AGAP1: variants seen among roughly 807,000 people sequenced by gnomAD.
AGAP1 encodes ArfGAP with GTPase domain, ankyrin repeat and PH domain 1.
A neutral mutation model predicts 105.3 loss-of-function variants in AGAP1; 29 were observed. The observed-to-expected ratio is 0.28, with a 90% CI of 0.21 to 0.38. AGAP1 has a LOEUF of 0.38. Among genes scored for constraint, AGAP1 ranks in the 10% least tolerant of loss-of-function variants. The probability of loss-of-function intolerance (pLI) is 1.00; values close to 1 mark genes in which losing one functional copy is unlikely to be tolerated. For synonymous variants in AGAP1, 509 were observed against 485.9 expected (o/e 1.05, Z -0.63); for missense variants, 998 against 1,165.1 (o/e 0.86, Z 2.09).
chr2:235,760,201 C>T (rs1954320243), intron 6 of AGAP1, among the ~76,000 whole-genome samples: 4 of 152,182 alleles, frequency 2.6e-5, no homozygotes, highest in South Asian at 2.1e-4. Context: ...GCCAACATGC[C>T]GAAACCCCCC....
At position 235,889,806 on chromosome 2, in the gene AGAP1, T is replaced by C. The variant is rs998439680; in HGVS notation, c.1155+6357T>C. ...GAACCTCTGTTTCTAAGCAGTGGAATAGAATTGCTTATGGAATAGCCAGGT... is the reference window on the plus strand; with the variant it reads ...GAACCTCTGTTTCTAAGCAGTGGAACAGAATTGCTTATGGAATAGCCAGGT... On this transcript the variant is annotated intron_variant, in intron 10 of 17. Coordinates refer to ENST00000304032, the MANE Select transcript of AGAP1 (RefSeq NM_001037131.3). This position sits in a 1 kb window ranked among gnomAD's most constrained non-coding sequence, Gnocchi z 4.6. Among the ~76,000 whole-genome samples, 1 of 152,160 alleles carries C rather than the reference T, an allele frequency of 6.6e-6. No homozygotes were observed. The highest frequency in any genetic ancestry group is 1.5e-5 in the Non-Finnish European group (1 of 68,038).
intron 6 of AGAP1, among the ~76,000 whole-genome samples, chr2:235,762,943 A>G (rs1200851026): frequency 6.6e-6 from 1 of 152,210 alleles, no homozygotes. Context: ...AATTTGCCAA[A>G]GAGAAGAAAG....
In AGAP1 at chr2:235,608,474, C is replaced by T. The variant is rs1946021078; in HGVS notation, c.164-100705C>T. 6.6e-6 allele frequency among the ~76,000 whole-genome samples: 1 copy of T among 152,152 alleles called. No individual in the cohort carries two copies. The highest frequency in any genetic ancestry group is 1.5e-5 in the Non-Finnish European group (1 of 68,044). Reference sequence around the variant, plus strand: ...GGAGATGCTCAGGGAAGGGGGTGGTCAGGCCCTGGGTCCCATGTTGGCAGC... The same window carrying T: ...GGAGATGCTCAGGGAAGGGGGTGGTTAGGCCCTGGGTCCCATGTTGGCAGC... On this transcript the variant is annotated intron_variant, in intron 1 of 17. Coordinates refer to ENST00000304032, the MANE Select transcript of AGAP1 (RefSeq NM_001037131.3). This position sits in a 1 kb window ranked among gnomAD's most constrained non-coding sequence, Gnocchi z 5.4.
Position 235,733,491 on chromosome 2 carries a change from G to A in AGAP1, c.311-7472G>A, listed in dbSNP as rs1191371693. Among the ~76,000 whole-genome samples the A allele has an allele frequency of 6.6e-6, 1 of 152,150 alleles. No individual in the cohort carries two copies. The highest frequency in any genetic ancestry group is 1.5e-5 in the Non-Finnish European group (1 of 68,032). On this transcript the variant is annotated intron_variant, in intron 3 of 17. Transcript: ENST00000304032. This position sits in a 1 kb window ranked among gnomAD's most constrained non-coding sequence, Gnocchi z 5.0. The stretch of plus-strand genomic sequence containing the variant: ...TATGTAAAGCCGTGCCCCTTTTCCT[G>A]TTGGATGGTGAAGTTCCTTCCTTCT...
intron 1 of AGAP1, among the ~76,000 whole-genome samples, chr2:235,671,339 C>G (rs1485373000): frequency 6.6e-6 from 1 of 152,206 alleles, no homozygotes; most frequent in Non-Finnish European, 1.5e-5. Context: ...GCGCCGACCT[C>G]CTTCGCGTGC....
chr2:235,504,968 T>A (rs1205662744), intron 1 of AGAP1, among the ~76,000 whole-genome samples: 1 of 152,160 alleles, frequency 6.6e-6, no homozygotes, highest in Non-Finnish European at 1.5e-5. Flanking sequence ...AGGGCGCAGT[T>A]CCTCTGGGAC....
chr2:236,016,114 A>T (rs1215247547), intron 13 of AGAP1, among the ~76,000 whole-genome samples: 4 of 150,554 alleles, frequency 2.7e-5, no homozygotes, highest in South Asian at 2.1e-4. Flanking sequence ...TTTAATCATA[A>T]TTTTTTTTTT....
Position 235,750,237 on chromosome 2 carries a change from A to G in AGAP1, c.539-117A>G, listed in dbSNP as rs567096618. On this transcript the variant is annotated intron_variant, in intron 5 of 17. Coordinates refer to ENST00000304032, the MANE Select transcript of AGAP1 (RefSeq NM_001037131.3). This position sits in a 1 kb window ranked among gnomAD's most constrained non-coding sequence, Gnocchi z 5.3. Reference sequence around the variant, plus strand: ...AACGATGCTCTACAATTCCAGATTCATAAACTAATTACATTTCTGCTGAGT... The same window carrying G: ...AACGATGCTCTACAATTCCAGATTCGTAAACTAATTACATTTCTGCTGAGT... The G allele has an allele frequency of 4.9e-6, 7 of 1,435,928 alleles. No homozygotes were observed. The highest frequency in any genetic ancestry group is 2.3e-5 in the East Asian group (1 of 43,288). The allele number at this position is 1,435,928 out of a possible 1,614,324, so 88.9% of individuals were successfully genotyped here.
chr2:236,063,047 C>T (rs778959251), intron 16 of AGAP1, among the ~76,000 whole-genome samples: 4 of 152,164 alleles, frequency 2.6e-5, no homozygotes, highest in Non-Finnish European at 5.9e-5. Context: ...CTTGGCCTCC[C>T]AAAGCGCTGG....
At position 235,729,959 on chromosome 2, in the gene AGAP1, A is replaced by G. The variant is rs1407661253; in HGVS notation, c.311-11004A>G. 6.6e-6 allele frequency among the ~76,000 whole-genome samples: 1 copy of G among 151,976 alleles called. No homozygotes were observed. The highest frequency in any genetic ancestry group is 1.5e-5 in the Non-Finnish European group (1 of 68,002). On this transcript the variant is annotated intron_variant, in intron 3 of 17. Transcript: ENST00000304032. The surrounding 1 kb of genome is among the most constrained non-coding windows in gnomAD (Gnocchi z 5.0). ...TACACAGGCAGTTCGCCAGCCCCCT[A>G]CCCTACAGTATGGAAAAAAGGCATA...
chr2:235,669,095 T>C (rs1948228740), intron 1 of AGAP1, among the ~76,000 whole-genome samples: 2 of 152,082 alleles, frequency 1.3e-5, no homozygotes, highest in South Asian at 2.1e-4. Context: ...GTGAGGTTAT[T>C]GATAATTGAA....
chr2:235,883,423 G>A lies in AGAP1; in HGVS notation c.1129G>A (p.Val377Met), dbSNP rs758081071. ...ATATGTCACCCTGTGTGACAATGGCGTGCTGACCTATCATCCCAGTTTACA... is the reference window on the plus strand; with the variant it reads ...ATATGTCACCCTGTGTGACAATGGCATGCTGACCTATCATCCCAGTTTACA... ...KKYVTLCDNG[V>M]LTYHPSLHDY... The change falls in exon 10 of 18, where the codon GTG becomes ATG. Residue 377 changes from valine to methionine, a missense_variant. Transcript: ENST00000304032. The surrounding 1 kb of genome is among the most constrained non-coding windows in gnomAD (Gnocchi z 4.5). 4.6e-5 allele frequency: 74 copies of A among 1,613,890 alleles called. No individual in the cohort carries two copies. Among genetic ancestry groups the A allele is most frequent in the Middle Eastern group, 3.3e-4 (2 of 6,084 alleles).
intron 16 of AGAP1, among the ~76,000 whole-genome samples, chr2:236,102,251 A>C (rs2125909411): frequency 6.6e-6 from 1 of 152,242 alleles, no homozygotes; most frequent in Non-Finnish European, 1.5e-5. Context: ...CCCTGTTTCT[A>C]CTAAAAATAC....
intron 1 of AGAP1, among the ~76,000 whole-genome samples, chr2:235,513,013 A>G (rs1186024091): frequency 6.6e-6 from 1 of 152,212 alleles, no homozygotes; most frequent in Non-Finnish European, 1.5e-5. Context: ...GGTCAAGTTT[A>G]TCCTGACCAG....
chr2:235,783,971 C>G (rs1026358325), intron 6 of AGAP1, among the ~76,000 whole-genome samples: 2 of 89,386 alleles, frequency 2.2e-5, no homozygotes, highest in South Asian at 2.7e-4. Flanking sequence ...AATGGACGGA[C>G]GGACGGACGG....
At position 235,553,928 on chromosome 2, in the gene AGAP1, T is replaced by G. The variant is rs1181741904; in HGVS notation, c.163+59079T>G. ...TCCCACCCCACCCCGTGGTGCGGCG[T>G]GTGCCAAGACCAGCCCTCTGAGGTC... On this transcript the variant is annotated intron_variant, in intron 1 of 17. Transcript: ENST00000304032. This position sits in a 1 kb window ranked among gnomAD's most constrained non-coding sequence, Gnocchi z 4.5. 6.6e-6 allele frequency among the ~76,000 whole-genome samples: 1 copy of G among 152,184 alleles called. No individual in the cohort carries two copies.
intron 3 of AGAP1, among the ~76,000 whole-genome samples, chr2:235,731,943 G>A (rs1951973309): frequency 6.6e-6 from 1 of 152,138 alleles, no homozygotes; most frequent in Non-Finnish European, 1.5e-5. Flanking sequence ...AAAGTGCGCA[G>A]GGAAGAAATG....
chr2:235,520,629 G>T (rs984510127), intron 1 of AGAP1, among the ~76,000 whole-genome samples: 4 of 151,986 alleles, frequency 2.6e-5, no homozygotes, highest in African/African-American at 9.7e-5. Context: ...CTCGTCAGAG[G>T]TTGCAAAATG....
In AGAP1 at chr2:236,002,108, G is replaced by A. The variant is rs760185631; in HGVS notation, c.1645+33485G>A. Among the ~76,000 whole-genome samples the A allele has an allele frequency of 3.3e-5, 5 of 152,170 alleles. No individual in the cohort carries two copies. Among genetic ancestry groups the A allele is most frequent in the East Asian group, 1.9e-4 (1 of 5,176 alleles). On this transcript the variant is annotated intron_variant, in intron 13 of 17. Coordinates refer to ENST00000304032, the MANE Select transcript of AGAP1 (RefSeq NM_001037131.3). This position sits in a 1 kb window ranked among gnomAD's most constrained non-coding sequence, Gnocchi z 4.3. ...GGTGAGAACAGAGAGTTTCTCAAGC[G>A]ACATGCCAGGAAGAGCTGGCTTCCC...
Sources: allele counts gnomAD v4.1 joint callset (sites outside exome capture counted in the v4.1 genomes callset), GRCh38; gene constraint gnomAD v4.1.1; non-coding constraint Gnocchi (gnomAD v3.1); transcripts MANE v1.5; gene names NCBI Gene and HGNC (gene_info 2026-07-23, HGNC 2026-07-21).